Variants in GRID1 observed in about 807,000 individuals in gnomAD.
GRID1 encodes glutamate ionotropic receptor delta type subunit 1, also known as glutamate receptor ionotropic, delta-1.
GRID1 carries 28 observed loss-of-function variants against 98.0 expected under a neutral mutation model. That is an observed-to-expected ratio of 0.29 (90% CI 0.21 to 0.39). The LOEUF (loss-of-function observed/expected upper bound fraction) is 0.39. Among genes scored for constraint, GRID1 ranks in the 10% least tolerant of loss-of-function variants. The probability of loss-of-function intolerance (pLI) is 1.00; values close to 1 mark genes in which losing one functional copy is unlikely to be tolerated. For missense variants in GRID1, 1,111 were observed against 1,340.5 expected (o/e 0.83, Z 2.67); for synonymous variants, 553 against 538.5 (o/e 1.03, Z -0.37).
chr10:86,343,609 C>T (rs938797570), intron 2 of GRID1, among the ~76,000 whole-genome samples: 4 of 152,222 alleles, frequency 2.6e-5, no homozygotes, highest in East Asian at 1.9e-4. Context: ...CTCTGCTGGG[C>T]ATACACAGCC....
chr10:85,951,166 G>A lies in GRID1; in HGVS notation c.727-34927C>T, dbSNP rs77392918. Reference sequence around the variant, plus strand: ...ACCAAACCAGGTCACTGTCTTCCTTGGGCTGGGGCTGGCAGTTACCATCCT... The same window carrying A: ...ACCAAACCAGGTCACTGTCTTCCTTAGGCTGGGGCTGGCAGTTACCATCCT... On this transcript the variant is annotated intron_variant, in intron 4 of 15. Coordinates refer to ENST00000327946, the MANE Select transcript of GRID1 (RefSeq NM_017551.3). 3.3e-3 allele frequency among the ~76,000 whole-genome samples: 501 copies of A among 152,294 alleles called. 11 individuals are homozygous for A. In the East Asian group the frequency reaches 0.058, roughly 18 times the overall value.
At chr10:86,071,532 T>A (rs1843805062) in intron 4 of GRID1, among the ~76,000 whole-genome samples, 1 of 152,258 alleles carries the variant, frequency 6.6e-6, no homozygotes, top group African/African-American at 2.4e-5. Context: ...GCAACACCTT[T>A]CTGCAAATCC....
At chr10:85,880,819 G>C (rs904009753) in intron 5 of GRID1, among the ~76,000 whole-genome samples, 1 of 152,140 alleles carries the variant, frequency 6.6e-6, no homozygotes, top group Non-Finnish European at 1.5e-5. Flanking sequence ...ATTAGGAAAA[G>C]AGTAAGTCAA....
intron 5 of GRID1, among the ~76,000 whole-genome samples, chr10:85,913,220 T>A (rs746952762): frequency 5.3e-5 from 8 of 152,190 alleles, no homozygotes; most frequent in Non-Finnish European, 1.0e-4. Context: ...CTGACTTCAC[T>A]GAATCAGATA....
At chr10:85,663,300 G>A (rs1433539459) in intron 12 of GRID1, among the ~76,000 whole-genome samples, 1 of 152,150 alleles carries the variant, frequency 6.6e-6, no homozygotes, top group Non-Finnish European at 1.5e-5. Context: ...ACCTACACAG[G>A]CAGAATGCCA....
At chr10:85,733,291 C>T (rs1379937494) in intron 8 of GRID1, among the ~76,000 whole-genome samples, 1 of 152,154 alleles carries the variant, frequency 6.6e-6, no homozygotes, top group Non-Finnish European at 1.5e-5. Context: ...AAAACTCTGT[C>T]TTCATAAGCT....
intron 2 of GRID1, among the ~76,000 whole-genome samples, chr10:86,314,838 G>A (rs12098708): frequency 0.063 from 9,635 of 152,242 alleles, 924 homozygotes; most frequent in African/African-American, 0.22. Context: ...ACCTACTGCA[G>A]GAGCATCAGA....
rs373036995 is a variant in GRID1 at position 86,200,080 on chromosome 10, C to T, written c.520+6284G>A. On this transcript the variant is annotated intron_variant, in intron 3 of 15. Transcript: ENST00000327946. Reference sequence around the variant, plus strand: ...TTTCCTCCTCTCCATTGCCCCCAGACCTTTCCTCTGGAAAGAGGGAAGCAA... The same window carrying T: ...TTTCCTCCTCTCCATTGCCCCCAGATCTTTCCTCTGGAAAGAGGGAAGCAA... Among the ~76,000 whole-genome samples, 58 of 152,180 alleles carry T rather than the reference C, an allele frequency of 3.8e-4. 1 individual carries two copies. The highest frequency in any genetic ancestry group is 5.0e-4 in the Non-Finnish European group (34 of 67,988).
At position 85,771,868 on chromosome 10, in the gene GRID1, C is replaced by T. The variant is rs1211265566; in HGVS notation, c.1234-42254G>A. 4.6e-5 allele frequency among the ~76,000 whole-genome samples: 7 copies of T among 152,202 alleles called. No homozygotes were observed. In the East Asian group the frequency reaches 7.7e-4, roughly 17 times the overall value. On this transcript the variant is annotated intron_variant, in intron 8 of 15. Coordinates refer to ENST00000327946, the MANE Select transcript of GRID1 (RefSeq NM_017551.3). ...AGAGACTTAGACTCCCACACAATAA[C>T]AGTGGGAGACTTTAACACCCCACTG...
In GRID1 at chr10:85,736,113, C is replaced by T. The variant is rs191921004; in HGVS notation, c.1234-6499G>A. On this transcript the variant is annotated intron_variant, in intron 8 of 15. Coordinates refer to ENST00000327946, the MANE Select transcript of GRID1 (RefSeq NM_017551.3). ...AGGAAGGAAGGAGAGAAGGAAGGAACGAAGGAGGGAGGGAGAAAGGAAGGA... is the reference window on the plus strand; with the variant it reads ...AGGAAGGAAGGAGAGAAGGAAGGAATGAAGGAGGGAGGGAGAAAGGAAGGA... 1.5e-3 allele frequency among the ~76,000 whole-genome samples: 106 copies of T among 70,614 alleles called. 1 individual carries two copies. The East Asian group carries it at 0.021, about 14-fold the overall frequency. 46.3% of individuals were successfully genotyped at this position (70,614 alleles called of 152,430 possible). A position where few individuals can be genotyped will look rare whatever the true frequency, so the allele number is the denominator to read the frequency against.
intron 4 of GRID1, among the ~76,000 whole-genome samples, chr10:85,962,062 G>A (rs551477449): frequency 6.4e-4 from 98 of 152,370 alleles, no homozygotes; most frequent in African/African-American, 2.3e-3. Context: ...GGCAGAGGGA[G>A]GGAGGACAGA....
chr10:85,775,863 A>G (rs1564587172), intron 8 of GRID1, among the ~76,000 whole-genome samples: 2 of 151,992 alleles, frequency 1.3e-5, no homozygotes, highest in East Asian at 3.9e-4. Context: ...CAAAAGAGTC[A>G]CTCTCTTTGT....
intron 4 of GRID1, among the ~76,000 whole-genome samples, chr10:85,987,787 G>C (rs540222876): frequency 9.9e-5 from 15 of 151,576 alleles, no homozygotes; most frequent in Admixed American, 8.5e-4. Flanking sequence ...TTCCTCAGGG[G>C]CCTTCCTATA....
At chr10:86,148,181 G>A (rs188625721) in intron 3 of GRID1, among the ~76,000 whole-genome samples, 181 of 152,280 alleles carry the variant, frequency 1.2e-3, no homozygotes, top group African/African-American at 4.0e-3. Context: ...CATACTCCTT[G>A]CAGCACTCTG....
chr10:86,190,054 C>T (rs528912328), intron 3 of GRID1, among the ~76,000 whole-genome samples: 1 of 152,294 alleles, frequency 6.6e-6, no homozygotes, highest in South Asian at 2.1e-4. Flanking sequence ...TGCAAGTCCA[C>T]CGCATGCCTT....
chr10:85,862,586 GTC>G (rs1843173987), intron 6 of GRID1, among the ~76,000 whole-genome samples: 1 of 152,152 alleles, frequency 6.6e-6, no homozygotes. Flanking sequence ...GGTAGGAGGC[GTC>G]TCTGGGAAGC....
chr10:86,081,870 G>A (rs777525799), intron 4 of GRID1, among the ~76,000 whole-genome samples: 21 of 152,196 alleles, frequency 1.4e-4, no homozygotes, highest in Non-Finnish European at 2.5e-4. Context: ...GCAGAGCACA[G>A]AGCATTTTCA....
intron 4 of GRID1, among the ~76,000 whole-genome samples, chr10:85,998,015 G>A (rs1842760816): frequency 6.6e-6 from 1 of 152,098 alleles, no homozygotes. Context: ...GCAAACACTG[G>A]AGGAACTAAA....
intron 13 of GRID1, among the ~76,000 whole-genome samples, chr10:85,624,798 G>T (rs1337872092): frequency 2.0e-5 from 3 of 152,066 alleles, no homozygotes; most frequent in Admixed American, 6.5e-5. Context: ...TTTCACCTTT[G>T]CAAGTTGGGA....
Sources: allele counts gnomAD v4.1 joint callset (sites outside exome capture counted in the v4.1 genomes callset), GRCh38; gene constraint gnomAD v4.1.1; transcripts MANE v1.5; gene names NCBI Gene and HGNC (gene_info 2026-07-23, HGNC 2026-07-21).